Variants in DLC1 observed in about 807,000 individuals in gnomAD.
DLC1 encodes the protein rho GTPase-activating protein 7.
In DLC1, 54 loss-of-function variants were observed where a neutral mutation model predicts 140.3. That is an observed-to-expected ratio of 0.38 (90% CI 0.31 to 0.48). The LOEUF is 0.48. Among genes scored for constraint, DLC1 ranks in the 20% least tolerant of loss-of-function variants. The probability of loss-of-function intolerance (pLI) is 0.96; values close to 1 mark genes in which losing one functional copy is unlikely to be tolerated. For missense variants in DLC1, 2,536 were observed against 1,907.0 expected, an observed-to-expected ratio of 1.33 and a Z score of -6.14; for synonymous variants, 986 against 728.1, an observed-to-expected ratio of 1.35 and a Z score of -5.70.
At chr8:13,271,959 G>A (rs1830949888) in intron 5 of DLC1, among the ~76,000 whole-genome samples, 1 of 152,226 alleles carries the variant, frequency 6.6e-6, no homozygotes, top group Non-Finnish European at 1.5e-5. Flanking sequence ...ACAGGCGTGA[G>A]CCACTGTACC....
chr8:13,113,976 T>A (rs1047002616), intron 6 of DLC1, among the ~76,000 whole-genome samples: 2 of 152,246 alleles, frequency 1.3e-5, no homozygotes, highest in African/African-American at 2.4e-5. Flanking sequence ...CAACCTCTGT[T>A]TGAAAGTTAC....
chr8:13,175,057 G>T (rs1431815284), intron 5 of DLC1, among the ~76,000 whole-genome samples: 1 of 152,118 alleles, frequency 6.6e-6, no homozygotes, highest in Admixed American at 6.5e-5. Flanking sequence ...GTGAAAGGTA[G>T]GGGTCCATTC....
chr8:13,595,011 T>C (rs578011525), intron 1 of DLC1, among the ~76,000 whole-genome samples: 17 of 152,096 alleles, frequency 1.1e-4, no homozygotes, highest in Non-Finnish European at 1.8e-4. Flanking sequence ...ACTTCTTCAA[T>C]TGTTGTGAGA....
chr8:13,178,651 G>GTTT (rs35235319), intron 5 of DLC1, among the ~76,000 whole-genome samples: 1 of 145,242 alleles, frequency 6.9e-6, no homozygotes, highest in African/African-American at 2.5e-5. Context: ...GTGGAAGAAG[G>GTTT]TTTTTTTTTT....
intron 1 of DLC1, among the ~76,000 whole-genome samples, chr8:13,570,600 C>A (rs1168051698): frequency 6.7e-6 from 1 of 150,272 alleles, no homozygotes; most frequent in Non-Finnish European, 1.5e-5. Flanking sequence ...CCAATTTCAC[C>A]CATGTCCCTA....
intron 4 of DLC1, among the ~76,000 whole-genome samples, chr8:13,311,077 A>C (rs1439539103): frequency 6.6e-6 from 1 of 152,244 alleles, no homozygotes; most frequent in African/African-American, 2.4e-5. Flanking sequence ...ACTAGGATAC[A>C]TAATTATAAA....
chr8:13,287,592 A>T (rs1831578509), intron 5 of DLC1, among the ~76,000 whole-genome samples: 1 of 152,160 alleles, frequency 6.6e-6, no homozygotes, highest in African/African-American at 2.4e-5. Context: ...ATCTCTCATT[A>T]TTTGTTATAT....
intron 5 of DLC1, among the ~76,000 whole-genome samples, chr8:13,119,446 A>C (rs1384333084): frequency 6.6e-6 from 1 of 152,044 alleles, no homozygotes; most frequent in Non-Finnish European, 1.5e-5. Flanking sequence ...ACTAAATGCC[A>C]CCTCCTCCAT....
chr8:13,588,846 G>T (rs1190047450), intron 1 of DLC1, among the ~76,000 whole-genome samples: 1 of 151,970 alleles, frequency 6.6e-6, no homozygotes, highest in Admixed American at 6.6e-5. Context: ...TATGTTTATG[G>T]GAGTTCTTTT....
chr8:13,588,056 C>T (rs1805390907), intron 1 of DLC1, among the ~76,000 whole-genome samples: 1 of 152,002 alleles, frequency 6.6e-6, no homozygotes, highest in Non-Finnish European at 1.5e-5. Context: ...GTTAAGAGCC[C>T]AGGTTTTAAA....
chr8:13,266,757 CA>C (rs1830704252), intron 5 of DLC1, among the ~76,000 whole-genome samples: 2 of 151,824 alleles, frequency 1.3e-5, no homozygotes, highest in South Asian at 4.2e-4. Context: ...AAAAACAAAA[CA>C]AAACAAAACA....
At chr8:13,217,837 C>CAAA (rs1305039877) in intron 5 of DLC1, among the ~76,000 whole-genome samples, 3 of 140,898 alleles carry the variant, frequency 2.1e-5, no homozygotes, top group African/African-American at 7.9e-5. Context: ...GACTCCATTT[C>CAAA]AAAAAAAAAA....
chr8:13,315,649 T>C (rs897478469), intron 4 of DLC1, among the ~76,000 whole-genome samples: 4 of 152,196 alleles, frequency 2.6e-5, no homozygotes, highest in South Asian at 2.1e-4. Context: ...TTCTATTCCA[T>C]TGATGACCTA....
At position 13,083,976 on chromosome 8, in the gene DLC1, T is replaced by A. The variant is rs1236635677; in HGVS notation, c.*1835A>T. 1 of 152,610 alleles carries A rather than the reference T, an allele frequency of 6.6e-6. No individual in the cohort carries two copies. Among genetic ancestry groups the A allele is most frequent in the Non-Finnish European group, 1.5e-5 (1 of 68,036 alleles). 9.5% of individuals were successfully genotyped at this position (152,610 alleles called of 1,614,324 possible). On this transcript the variant is annotated 3_prime_UTR_variant, in exon 18 of 18. Transcript: ENST00000276297. Reference sequence around the variant, plus strand: ...TTATTGATTATAATCTGTACAGATATAGAGCAAGTTATAAACCTCTTCCTT... The same window carrying A: ...TTATTGATTATAATCTGTACAGATAAAGAGCAAGTTATAAACCTCTTCCTT...
chr8:13,561,179 C>A (rs1400998118), intron 1 of DLC1, among the ~76,000 whole-genome samples: 1 of 150,580 alleles, frequency 6.6e-6, no homozygotes, highest in African/African-American at 2.5e-5. Flanking sequence ...CTGGAGTGCA[C>A]TGGTGCAATC....
At chr8:13,327,372 G>A (rs1833408251) in intron 4 of DLC1, among the ~76,000 whole-genome samples, 1 of 152,080 alleles carries the variant, frequency 6.6e-6, no homozygotes, top group Non-Finnish European at 1.5e-5. Flanking sequence ...GATAGAAATT[G>A]CTGGATTTAC....
At chr8:13,121,726 TA>T (rs67357083) in intron 5 of DLC1, among the ~76,000 whole-genome samples, 65,458 of 151,600 alleles carry the variant, frequency 0.43, 15,619 homozygotes, top group African/African-American at 0.65. Context: ...GTTTTTATAC[TA>T]TTTTTTATAG....
intron 1 of DLC1, among the ~76,000 whole-genome samples, chr8:13,583,385 A>G (rs1381698700): frequency 1.3e-5 from 2 of 152,156 alleles, no homozygotes; most frequent in South Asian, 2.1e-4. Flanking sequence ...GCTCATCCAT[A>G]AGAAGCAACT....
chr8:13,438,065 T>A (rs1839200852), intron 2 of DLC1, among the ~76,000 whole-genome samples: 1 of 151,978 alleles, frequency 6.6e-6, no homozygotes, highest in African/African-American at 2.4e-5. Context: ...TTATATAAAA[T>A]TAACATGTTT....
Sources: allele counts gnomAD v4.1 joint callset (sites outside exome capture counted in the v4.1 genomes callset), GRCh38; gene constraint gnomAD v4.1.1; transcripts MANE v1.5; gene names NCBI Gene and HGNC (gene_info 2026-07-23, HGNC 2026-07-21).